KRABD2: variants seen among roughly 807,000 people sequenced by gnomAD.
The protein encoded by KRABD2 is KRAB domain containing 2.
At chr17:8,360,695 T>G in the KRABD2 span, among the ~76,000 whole-genome samples, 2 of 152,088 alleles carry the variant, frequency 1.3e-5, 1 homozygote, top group South Asian at 4.1e-4. Context: ...AGGTTTCAAA[T>G]CAATTTCTAT....
the KRABD2 span, chr17:8,371,408 A>G: frequency 7.4e-6 from 12 of 1,614,164 alleles, no homozygotes; most frequent in Non-Finnish European, 1.0e-5. Context: ...ATATTTTCAA[A>G]TGCTGTTGCT....
the KRABD2 span, chr17:8,373,824 AC>A: frequency 7.3e-6 from 1 of 137,814 alleles, no homozygotes; most frequent in African/African-American, 3.0e-5. Flanking sequence ...CCCGGCCGTG[AC>A]CCCGTCTGGG....
At chr17:8,361,981 C>T in the KRABD2 span, among the ~76,000 whole-genome samples, 1 of 152,196 alleles carries the variant, frequency 6.6e-6, no homozygotes, top group African/African-American at 2.4e-5. Flanking sequence ...CCTATTTAAA[C>T]TCATTTCTTC....
the KRABD2 span, chr17:8,369,495 CTTATCATGTTCT>C: frequency 6.2e-6 from 10 of 1,614,054 alleles, no homozygotes; most frequent in East Asian, 2.2e-4. Flanking sequence ...CATCCAGGTA[CTTATCATGTTCT>C]TTACATCACG....
the KRABD2 span, chr17:8,376,477 G>T: frequency 9.9e-7 from 1 of 1,012,364 alleles, no homozygotes; most frequent in South Asian, 4.7e-5. Context: ...CCTGAGGACC[G>T]GGCTGGGATG....
the KRABD2 span, among the ~76,000 whole-genome samples, chr17:8,374,722 G>A: frequency 6.6e-6 from 1 of 150,646 alleles, no homozygotes; most frequent in African/African-American, 2.4e-5. Context: ...GGAGGTGGGC[G>A]GATTACAAGG....
At chr17:8,376,328 C>G in the KRABD2 span, 6 of 1,217,490 alleles carry the variant, frequency 4.9e-6, no homozygotes, top group Non-Finnish European at 6.1e-6. Flanking sequence ...ACTGAGGCCT[C>G]AGTTTCCTCA....
chr17:8,376,410 A>C, the KRABD2 span: 1 of 1,111,844 alleles, frequency 9.0e-7, no homozygotes, highest in Admixed American at 5.0e-5. Context: ...AATGCAGATA[A>C]GGCACTTAAT....
chr17:8,363,848 T>TG, the KRABD2 span, among the ~76,000 whole-genome samples: 78 of 89,880 alleles, frequency 8.7e-4, 1 homozygote, highest in Non-Finnish European at 1.6e-3. Context: ...TATATATATA[T>TG]ATATATATAT....
chr17:8,368,800 C>T, the KRABD2 span: 1 of 216,952 alleles, frequency 4.6e-6, no homozygotes, highest in African/African-American at 2.3e-5. Context: ...CCAAGCCTGG[C>T]TAATTTCTAT....
At chr17:8,374,910 C>T in the KRABD2 span, among the ~76,000 whole-genome samples, 4 of 97,704 alleles carry the variant, frequency 4.1e-5, no homozygotes, top group Non-Finnish European at 5.7e-5. Flanking sequence ...CGCACTCCAG[C>T]CTGGGCGACA....
At chr17:8,368,175 C>T in the KRABD2 span, among the ~76,000 whole-genome samples, 1 of 152,016 alleles carries the variant, frequency 6.6e-6, no homozygotes, top group Non-Finnish European at 1.5e-5. Context: ...AGAGTATTCG[C>T]TGATCTAATT....
At chr17:8,363,850 TA>T in the KRABD2 span, among the ~76,000 whole-genome samples, 2,660 of 89,858 alleles carry the variant, frequency 0.03, 169 homozygotes, top group African/African-American at 0.097. Flanking sequence ...TATATATATA[TA>T]TATATATATA....
the KRABD2 span, among the ~76,000 whole-genome samples, chr17:8,364,183 T>C: frequency 3.3e-5 from 5 of 152,074 alleles, no homozygotes; most frequent in African/African-American, 7.2e-5. The surrounding 1 kb of genome is among the most constrained non-coding windows in gnomAD (Gnocchi z 4.4). Flanking sequence ...AATATTTTTA[T>C]CATTATTTTT....
the KRABD2 span, chr17:8,376,142 C>G: frequency 4.9e-6 from 6 of 1,231,558 alleles, no homozygotes; most frequent in African/African-American, 7.8e-5. Context: ...CTGCCTGTAC[C>G]CCCTTTGGAG....
At chr17:8,366,001 G>T in the KRABD2 span, among the ~76,000 whole-genome samples, 1 of 151,936 alleles carries the variant, frequency 6.6e-6, no homozygotes, top group African/African-American at 2.4e-5. Context: ...GTTGGCGGGC[G>T]CCTGTAATCC....
the KRABD2 span, chr17:8,376,206 A>G: frequency 8.1e-7 from 1 of 1,231,460 alleles, no homozygotes; most frequent in Non-Finnish European, 1.0e-6. Context: ...ATTTTGTCAA[A>G]AATGTCGCTT....
At chr17:8,362,116 T>A in the KRABD2 span, among the ~76,000 whole-genome samples, 4 of 152,024 alleles carry the variant, frequency 2.6e-5, no homozygotes, top group Non-Finnish European at 5.9e-5. The surrounding 1 kb of genome is among the most constrained non-coding windows in gnomAD (Gnocchi z 4.2). Flanking sequence ...GATCACGAGG[T>A]CAGGAGATCA....
At chr17:8,363,830 CATATATAT>C in the KRABD2 span, among the ~76,000 whole-genome samples, 2,840 of 86,960 alleles carry the variant, frequency 0.033, 107 homozygotes, top group South Asian at 0.047. Context: ...ATATATCATA[CATATATAT>C]ATATATATAT....
Sources: gnomAD v4.1 joint callset for allele counts (sites outside exome capture counted in the v4.1 genomes callset) on GRCh38, gnomAD v4.1.1 for gene constraint, Gnocchi (gnomAD v3.1) non-coding constraint, MANE v1.5 for transcripts, NCBI Gene and HGNC (gene_info 2026-07-23, HGNC 2026-07-21) for gene names.